Variants in ARHGEF15 observed in about 807,000 individuals in gnomAD.
ARHGEF15 encodes the protein Rho guanine nucleotide exchange factor 15, also known as Rho guanine nucleotide exchange factor (GEF) 15.
Under a neutral mutation model 79.7 loss-of-function variants are expected in ARHGEF15, and 58 were observed. The observed-to-expected ratio is 0.73, with a 90% CI of 0.59 to 0.91. The LOEUF is 0.91. Among genes scored for constraint, ARHGEF15 ranks in the 40% least tolerant of loss-of-function variants. ARHGEF15 has a pLI of 0.00. For missense variants in ARHGEF15, 1,012 were observed against 1,108.1 expected, an observed-to-expected ratio of 0.91 and a Z score of 1.23; for synonymous variants, 442 against 456.0, an observed-to-expected ratio of 0.97 and a Z score of 0.39.
At chr17:8,311,920 CT>C in intron 1 of ARHGEF15, 70 bp from the exon 2 acceptor site, 1 of 1,102,958 alleles carries the variant, frequency 9.1e-7, no homozygotes, top group Non-Finnish European at 1.3e-6. Flanking sequence ...AAAATCCTGC[CT>C]TCCAGTGGCC....
In ARHGEF15 at chr17:8,320,878, A is replaced by G. The variant is rs1279498244; in HGVS notation, c.2411A>G (p.Gln804Arg). ...GGGCTTCCTGGGGCCTTCCCTGCCC[A>G]GCTGGTGTGTGAAGTCACAGGGGAA... ...LKGLPGAFPA[Q>R]LVCEVTGEHE... Residue 804 changes from glutamine to arginine, a missense_variant, in exon 16 of 16, where the codon CAG (glutamine) becomes CGG (arginine). Coordinates refer to ENST00000361926, the MANE Select transcript of ARHGEF15 (RefSeq NM_173728.4). The G allele has an allele frequency of 1.9e-6, 3 of 1,613,248 alleles. No individual in the cohort carries two copies. The African/African-American group carries it at 4.0e-5, about 22-fold the overall frequency.
Position 8,314,969 on chromosome 17 carries a change from G to A in ARHGEF15, c.1048+5G>A, listed in dbSNP as rs778513805. 1 of 1,614,038 alleles carries A rather than the reference G, an allele frequency of 6.2e-7. No individual in the cohort carries two copies. Among genetic ancestry groups the A allele is most frequent in the South Asian group, 1.1e-5 (1 of 91,066 alleles). On this transcript the variant is annotated splice_donor_5th_base_variant and intron_variant, in intron 5 of 15. Transcript: ENST00000361926. ...GGGAGCTGCCCCTGCAGGATGGTGA[G>A]GGCCTCTGGACCTGAGGGTCCCTGC...
chr17:8,312,529 C>G lies in ARHGEF15; in HGVS notation c.490C>G (p.Arg164Gly). The change falls in exon 2 of 16, where the codon CGG (arginine) becomes GGG (glycine). Residue 164 changes from arginine to glycine, a missense_variant. Around this residue, in one of 3 missense-constraint regions of ARHGEF15, gnomAD observed 818 missense variants for 882.5 expected, o/e 0.93. Coordinates refer to ENST00000361926, the MANE Select transcript of ARHGEF15 (RefSeq NM_173728.4). ...AGRFEGGAEG[R>G]AQDADAPEPG... ...CAGGTTTGAAGGGGGTGCTGAAGGCCGGGCTCAGGATGCAGATGCCCCGGA... is the reference window on the plus strand; with the variant it reads ...CAGGTTTGAAGGGGGTGCTGAAGGCGGGGCTCAGGATGCAGATGCCCCGGA... 6.2e-7 allele frequency: 1 copy of G among 1,610,062 alleles called. No homozygotes were observed. The highest frequency in any genetic ancestry group is 8.5e-7 in the Non-Finnish European group (1 of 1,178,014).
chr17:8,317,477 C>T (rs1412967993), intron 9 of ARHGEF15, among the ~76,000 whole-genome samples: 1 of 152,054 alleles, frequency 6.6e-6, no homozygotes, highest in African/African-American at 2.4e-5. Flanking sequence ...TTATCTATCC[C>T]CATTGTAGAC....
Position 8,318,980 on chromosome 17 carries a change from C to G in ARHGEF15, c.2034-27C>G, listed in dbSNP as rs200039509. 3 of 1,611,044 alleles carry G rather than the reference C, an allele frequency of 1.9e-6. No individual in the cohort carries two copies. In the East Asian group the frequency reaches 6.7e-5, roughly 36 times the overall value. ...GGGGTCCAGCGGGACCCCTGCTGTC[C>G]TTCTGAACGACCTCATCCCTGGGCA... On this transcript the variant is annotated intron_variant, in intron 12 of 15. Transcript: ENST00000361926. This position sits in a 1 kb window ranked among gnomAD's most constrained non-coding sequence, Gnocchi z 5.0.
Position 8,321,026 on chromosome 17 carries a change from C to T in ARHGEF15, c.*33C>T. 14 of 1,613,058 alleles carry T rather than the reference C, an allele frequency of 8.7e-6. No individual in the cohort carries two copies. The highest frequency in any genetic ancestry group is 1.2e-5 in the Non-Finnish European group (14 of 1,179,362). On this transcript the variant is annotated 3_prime_UTR_variant, in exon 16 of 16. Transcript: ENST00000361926. Reference sequence around the variant, plus strand: ...TGAGGAGGGGGCACATGTTGGGAGACACCTACCAGTGTGGCACGGAGAGAA... The same window carrying T: ...TGAGGAGGGGGCACATGTTGGGAGATACCTACCAGTGTGGCACGGAGAGAA...
At position 8,319,062 on chromosome 17, in the gene ARHGEF15, C is replaced by A; in HGVS notation, c.2089C>A (p.Gln697Lys). 3 of 1,614,020 alleles carry A rather than the reference C, an allele frequency of 1.9e-6. No individual in the cohort carries two copies. The highest frequency in any genetic ancestry group is 2.5e-6 in the Non-Finnish European group (3 of 1,180,012). Residue 697 changes from glutamine to lysine, a missense_variant, in exon 13 of 16, where the codon CAG becomes AAG. Physicochemically the swap from Gln to Lys is moderately conservative, Grantham distance 53 (BLOSUM62 1). Coordinates refer to ENST00000361926, the MANE Select transcript of ARHGEF15 (RefSeq NM_173728.4). ...YAHRSLVQAQ[Q>K]VPDPSGPPTF... The stretch of plus-strand genomic sequence containing the variant: ...CCATCGCTCCCTGGTCCAGGCCCAG[C>A]AGGTTCCGGATCCATCTGGACCCCC...
At position 8,319,596 on chromosome 17, in the gene ARHGEF15, C is replaced by G. The variant is rs1905255242; in HGVS notation, c.2367C>G (p.Thr789=). Residue 789 remains threonine (T), a synonymous_variant, in exon 15 of 16, where the codon ACC becomes ACG. Transcript: ENST00000361926. Reference sequence around the variant, plus strand: ...CTGCCCCCAAACACCTGCACAAGACCCCTGAAGGTGAGAAAGTCTTTCATT... The same window carrying G: ...CTGCCCCCAAACACCTGCACAAGACGCCTGAAGGTGAGAAAGTCTTTCATT... The part of the protein sequence containing the change: ...SRAAPKHLHK[T]PEGWLKGLPG... 1.3e-6 allele frequency: 2 copies of G among 1,566,094 alleles called. No individual in the cohort carries two copies. The highest frequency in any genetic ancestry group is 1.7e-4 in the Middle Eastern group (1 of 5,772).
Position 8,312,654 on chromosome 17 carries a change from G to A in ARHGEF15, c.601+14G>A. On this transcript the variant is annotated intron_variant, in intron 2 of 15. Coordinates refer to ENST00000361926, the MANE Select transcript of ARHGEF15 (RefSeq NM_173728.4). ...ACGGTGCTCCAGGTGAGTGTGGCGG[G>A]TGGGGGGCGCTGGGTGACCTCAATC... 1.2e-6 allele frequency: 2 copies of A among 1,611,998 alleles called. No individual in the cohort carries two copies. The highest frequency in any genetic ancestry group is 1.7e-6 in the Non-Finnish European group (2 of 1,179,876).
intron 15 of ARHGEF15, 133 bp from the exon 16 acceptor site, chr17:8,320,709 G>A (rs1298264099): frequency 5.3e-6 from 4 of 761,222 alleles, no homozygotes; most frequent in South Asian, 1.8e-5. Flanking sequence ...CCTTTCTACC[G>A]ATGCTCCAGG....
At position 8,315,267 on chromosome 17, in the gene ARHGEF15, G is replaced by T. The variant is rs142119277; in HGVS notation, c.1250G>T (p.Arg417Leu). The change falls in exon 6 of 16, where the codon CGC becomes CTC. Residue 417 changes from arginine to leucine, a missense_variant. Arg to Leu is a moderately radical substitution (Grantham distance 102). This residue lies in a region of ARHGEF15 where 818 missense variants were observed against 882.5 expected (regional missense o/e 0.93). Transcript: ENST00000361926. The surrounding 1 kb of genome is among the most constrained non-coding windows in gnomAD (Gnocchi z 4.3). ...LLDTLSPQER[R>L]MQESLFEVVT... Reference sequence around the variant, plus strand: ...GATACCCTCAGCCCCCAGGAGAGGCGCATGCAGGAGGTGGGAGCTGGAGGT... The same window carrying T: ...GATACCCTCAGCCCCCAGGAGAGGCTCATGCAGGAGGTGGGAGCTGGAGGT... The T allele has an allele frequency of 2.5e-3, 4,032 of 1,612,902 alleles. 16 individuals carry two copies. Among genetic ancestry groups the T allele is most frequent in the Non-Finnish European group, 2.9e-3 (3,458 of 1,179,846 alleles).
rs932622944 is a variant in ARHGEF15 at position 8,319,500 on chromosome 17, C to T, written c.2271C>T (p.Asp757=). ...CSPDTIYEDC[D]CSQELCSESS... ...TTAATGTCACCCACCCCCAACCAGACTGTTCCCAGGAACTGTGTTCAGAGT... is the reference window on the plus strand; with the variant it reads ...TTAATGTCACCCACCCCCAACCAGATTGTTCCCAGGAACTGTGTTCAGAGT... Residue 757 remains aspartate, a splice_region_variant and synonymous_variant, in exon 15 of 16, where the codon GAC becomes GAT. Transcript: ENST00000361926. 1.9e-6 allele frequency: 3 copies of T among 1,602,000 alleles called. No homozygotes were observed. The South Asian group carries it at 3.4e-5, about 18-fold the overall frequency.
chr17:8,312,867 C>T (rs1904739934), intron 2 of ARHGEF15, 55 bp from the exon 3 acceptor site: 24 of 1,561,352 alleles, frequency 1.5e-5, no homozygotes, highest in East Asian at 2.2e-5. Context: ...ATGGTCTGGG[C>T]GGGGGTGGAG....
Position 8,315,744 on chromosome 17 carries a change from A to T in ARHGEF15, c.1422-11A>T. 6.2e-7 allele frequency: 1 copy of T among 1,608,834 alleles called. No homozygotes were observed. Among genetic ancestry groups the T allele is most frequent in the Non-Finnish European group, 8.5e-7 (1 of 1,177,518 alleles). On this transcript the variant is annotated splice_polypyrimidine_tract_variant and intron_variant, in intron 7 of 15. Transcript: ENST00000361926. This position sits in a 1 kb window ranked among gnomAD's most constrained non-coding sequence, Gnocchi z 4.3. The stretch of plus-strand genomic sequence containing the variant: ...GCCCCGCCCCATTGCTTGCTTCCCC[A>T]ATTCCTTCAGGTTTCTAGCAACGCT...
chr17:8,314,757 A>T, intron 4 of ARHGEF15, 149 bp from the exon 5 acceptor site: 1 of 799,040 alleles, frequency 1.3e-6, no homozygotes, highest in Non-Finnish European at 1.8e-6. Context: ...AAAAAAAAAA[A>T]AAAAAAGCCT....
At chr17:8,317,524 C>G (rs1905104384) in intron 9 of ARHGEF15, among the ~76,000 whole-genome samples, 1 of 152,108 alleles carries the variant, frequency 6.6e-6, no homozygotes, top group Non-Finnish European at 1.5e-5. Flanking sequence ...CAAAATAGCT[C>G]AACAGCTATT....
At position 8,315,113 on chromosome 17, in the gene ARHGEF15, TG is replaced by T. The variant is rs1060500048; in HGVS notation, c.1102del (p.Val368TrpfsTer59). 1 of 1,613,992 alleles carries T rather than the reference TG, an allele frequency of 6.2e-7. No individual in the cohort carries two copies. The highest frequency in any genetic ancestry group is 1.7e-5 in the Admixed American group (1 of 59,992). On this transcript the variant is annotated frameshift_variant, in exon 6 of 16. Transcript: ENST00000361926. LOFTEE classifies it high-confidence loss of function. This position sits in a 1 kb window ranked among gnomAD's most constrained non-coding sequence, Gnocchi z 4.3. ...YRAAVLSEELWGVGEDGSPSP... is the reference protein window; with the variant it reads ...YRAAVLSEELXGVGEDGSPSP... ...AGCAGCCGTGCTGTCAGAGGAGCTG[TG>T]GGGGGTGGGTGAGGATGGGAGTCCT...
chr17:8,313,341 C>A (rs1245064005), intron 3 of ARHGEF15, 87 bp downstream of exon 3: 1 of 1,520,454 alleles, frequency 6.6e-7, no homozygotes, highest in African/African-American at 1.4e-5. Flanking sequence ...ACTACAATCC[C>A]CAACAGGCAC....
chr17:8,315,519 C>A lies in ARHGEF15; in HGVS notation c.1366C>A (p.Arg456Ser). 6.2e-7 allele frequency: 1 copy of A among 1,612,394 alleles called. No individual in the cohort carries two copies. The highest frequency in any genetic ancestry group is 1.1e-5 in the South Asian group (1 of 91,082). ...GGCACTCCGGGACACGCTCACCCCC[C>A]GTGATCACCACACACTCTTCTCCAA... is the stretch of plus-strand genomic sequence containing the variant. Reference protein sequence around the residue: ...SQALRDTLTPRDHHTLFSNVQ... With the variant: ...SQALRDTLTPSDHHTLFSNVQ... The change falls in exon 7 of 16, where the codon CGT becomes AGT. Residue 456 changes from arginine to serine, a missense_variant. Transcript: ENST00000361926. The surrounding 1 kb of genome is among the most constrained non-coding windows in gnomAD (Gnocchi z 4.3).
Sources: allele counts gnomAD v4.1 joint callset (sites outside exome capture counted in the v4.1 genomes callset), GRCh38; gene constraint gnomAD v4.1.1; regional missense constraint gnomAD v4.1.1; non-coding constraint Gnocchi (gnomAD v3.1); transcripts MANE v1.5; gene names NCBI Gene and HGNC (gene_info 2026-07-23, HGNC 2026-07-21).